Variants in NAV1 observed in about 807,000 individuals in gnomAD.
NAV1 encodes the protein neuron navigator 1.
NAV1 carries 18 observed loss-of-function variants against 175.2 expected under a neutral mutation model. The observed-to-expected ratio is 0.10, with a 90% CI of 0.07 to 0.15. The LOEUF is 0.15. Among genes scored for constraint, NAV1 ranks in the 10% least tolerant of loss-of-function variants. NAV1 has a pLI of 1.00. For synonymous variants in NAV1, 897 were observed against 978.7 expected (o/e 0.92, Z 1.56); for missense variants, 1,731 against 2,436.6 (o/e 0.71, Z 6.10).
intron 1 of NAV1, among the ~76,000 whole-genome samples, chr1:201,543,561 T>C (rs996622313): frequency 7.2e-5 from 11 of 152,190 alleles, no homozygotes; most frequent in Non-Finnish European, 1.6e-4. Context: ...ACAACAAAAT[T>C]TGACTAAGTG....
rs142871737 is a variant in NAV1 at position 201,544,900 on chromosome 1, A to G, written c.-144+5558A>G. 2.1e-3 allele frequency among the ~76,000 whole-genome samples: 319 copies of G among 152,354 alleles called. 1 individual carries two copies. The highest frequency in any genetic ancestry group is 3.9e-3 in the Non-Finnish European group (268 of 68,036). ...TTCAAGGAAGGTTGATATATGACGTAATAGCAAGATTGTGGACCATGACAT... is the reference window on the plus strand; with the variant it reads ...TTCAAGGAAGGTTGATATATGACGTGATAGCAAGATTGTGGACCATGACAT... On this transcript the variant is annotated intron_variant, in intron 1 of 33. Coordinates refer to the NAV1 transcript ENST00000685211.
chr1:201,819,599 TA>T lies in NAV1; in HGVS notation c.5539-237del, dbSNP rs576314078. On this transcript the variant is annotated intron_variant, in intron 29 of 29. Transcript: ENST00000367296. ...CCCACTTGGGCTTTGGCATCCTGAG[TA>T]GCTGGGACTGTAGTTGTGTGCCACC... Among the ~76,000 whole-genome samples, 12 of 152,154 alleles carry T rather than the reference TA, an allele frequency of 7.9e-5. No homozygotes were observed. In the South Asian group the frequency reaches 1.9e-3, roughly 24 times the overall value.
At chr1:201,635,840 A>G (rs1271881675) in intron 2 of NAV1, among the ~76,000 whole-genome samples, 2 of 152,166 alleles carry the variant, frequency 1.3e-5, no homozygotes, top group African/African-American at 2.4e-5. Flanking sequence ...CCATGTGTCT[A>G]TGAGCCATGG....
chr1:201,623,669 C>G, intron 1 of NAV1, 63 bp downstream of exon 3: 1 of 986,042 alleles, frequency 1.0e-6, no homozygotes, highest in Non-Finnish European at 1.2e-6. Context: ...AGGGGCAAGC[C>G]GGAAGAGGAC....
intron 2 of NAV1, among the ~76,000 whole-genome samples, chr1:201,591,162 A>C (rs765642534): frequency 8.5e-5 from 13 of 152,162 alleles, no homozygotes; most frequent in Non-Finnish European, 1.6e-4. Context: ...CTGAGTATTC[A>C]GCCCTTTCCT....
intron 3 of NAV1, among the ~76,000 whole-genome samples, chr1:201,756,102 T>A (rs1674442582): frequency 7.8e-6 from 1 of 128,476 alleles, no homozygotes; most frequent in African/African-American, 3.2e-5. Context: ...TGAAACTCTG[T>A]CTCAAAAAAA....
At chr1:201,640,207 C>T (rs1196678919) in intron 2 of NAV1, among the ~76,000 whole-genome samples, 4 of 152,212 alleles carry the variant, frequency 2.6e-5, no homozygotes, top group Admixed American at 1.3e-4. Flanking sequence ...AAATCCCCAA[C>T]CACTGAACTC....
chr1:201,755,008 T>G (rs1483697616), intron 3 of NAV1, among the ~76,000 whole-genome samples: 1 of 152,178 alleles, frequency 6.6e-6, no homozygotes, highest in Non-Finnish European at 1.5e-5. Flanking sequence ...TTAGATAATT[T>G]GAGATACAAC....
intron 1 of NAV1, among the ~76,000 whole-genome samples, chr1:201,581,913 G>A (rs973794202): frequency 5.9e-5 from 9 of 151,982 alleles, no homozygotes; most frequent in African/African-American, 9.7e-5. Context: ...TGGCTAACAC[G>A]GTGAAACCCC....
At chr1:201,655,878 G>A (rs1669385928) in intron 1 of NAV1, among the ~76,000 whole-genome samples, 1 of 152,154 alleles carries the variant, frequency 6.6e-6, no homozygotes. Flanking sequence ...GATGCCTTTG[G>A]AATGTGGAGG....
intron 1 of NAV1, among the ~76,000 whole-genome samples, chr1:201,582,068 A>C (rs775402122): frequency 6.6e-6 from 1 of 152,154 alleles, no homozygotes; most frequent in Admixed American, 6.5e-5. Flanking sequence ...TGCACTCCAG[A>C]CTGGGTGACA....
intron 3 of NAV1, chr1:201,739,972 C>T: frequency 6.9e-7 from 1 of 1,440,082 alleles, no homozygotes; most frequent in Non-Finnish European, 9.1e-7. Context: ...CGAGAGCGGT[C>T]CTGGGGGGCG....
intron 2 of NAV1, among the ~76,000 whole-genome samples, chr1:201,638,906 G>C (rs1303738035): frequency 6.6e-6 from 1 of 152,162 alleles, no homozygotes; most frequent in Non-Finnish European, 1.5e-5. Context: ...CCTATGTAGG[G>C]CACTTAACAA....
At chr1:201,754,203 T>C (rs1214265393) in intron 3 of NAV1, among the ~76,000 whole-genome samples, 2 of 152,096 alleles carry the variant, frequency 1.3e-5, no homozygotes, top group African/African-American at 4.8e-5. Context: ...TCTCATACCC[T>C]ATACAGGAAG....
chr1:201,588,414 C>T (rs1299297515), intron 1 of NAV1, among the ~76,000 whole-genome samples, 125 bp from the exon 2 acceptor site: 1 of 152,180 alleles, frequency 6.6e-6, no homozygotes, highest in Non-Finnish European at 1.5e-5. Flanking sequence ...GTGACACAAT[C>T]ATAGCTCACT....
intron 2 of NAV1, among the ~76,000 whole-genome samples, chr1:201,598,845 G>A (rs1667435737): frequency 6.6e-6 from 1 of 152,166 alleles, no homozygotes; most frequent in African/African-American, 2.4e-5. Flanking sequence ...GGGGACAGAA[G>A]TAAGTGGGAG....
At chr1:201,702,317 C>A (rs1240270325) in intron 1 of NAV1, among the ~76,000 whole-genome samples, 1 of 152,184 alleles carries the variant, frequency 6.6e-6, no homozygotes, top group African/African-American at 2.4e-5. Flanking sequence ...GATGGTTGTA[C>A]AACTGTGCAA....
At chr1:201,583,131 C>T (rs1291274399) in intron 1 of NAV1, among the ~76,000 whole-genome samples, 1 of 152,274 alleles carries the variant, frequency 6.6e-6, no homozygotes, top group Non-Finnish European at 1.5e-5. Flanking sequence ...GGCGGCTCTA[C>T]ACCCTCTGGG....
rs1352292329 is a variant in NAV1, at chr1:201,539,170, G to A, written c.-316G>A. ...GCGGCTGCCCTAGTGCGGGGCCCGA[G>A]GCTGGAGTGCGCGGCGGACGCCAAG... On this transcript the variant is annotated 5_prime_UTR_variant, in exon 1 of 34. Transcript: ENST00000685211. The surrounding 1 kb of genome is among the most constrained non-coding windows in gnomAD (Gnocchi z 5.6). Among the ~76,000 whole-genome samples, 4 of 152,234 alleles carry A rather than the reference G, an allele frequency of 2.6e-5. No individual in the cohort carries two copies. The highest frequency in any genetic ancestry group is 9.6e-5 in the African/African-American group (4 of 41,470).
Sources: allele counts gnomAD v4.1 joint callset (sites outside exome capture counted in the v4.1 genomes callset), GRCh38; gene constraint gnomAD v4.1.1; non-coding constraint Gnocchi (gnomAD v3.1); transcripts MANE v1.5; gene names NCBI Gene and HGNC (gene_info 2026-07-23, HGNC 2026-07-21).